The following DCDC1 variants were observed in gnomAD, a reference collection of about 807,000 sequenced individuals.
DCDC1 encodes doublecortin domain containing 1.
Under a neutral mutation model 178.3 loss-of-function variants are expected in DCDC1, and 200 were observed. The ratio of observed to expected loss-of-function variants is 1.12; its 90% CI spans 1.00 to 1.26. The LOEUF is 1.26. DCDC1 is among the 50% of genes most tolerant of loss of function. The pLI, the probability that DCDC1 is intolerant of heterozygous loss-of-function variation, is 0.00. For missense variants in DCDC1, 1,983 were observed against 1,749.2 expected, an observed-to-expected ratio of 1.13 and a Z score of -2.38; for synonymous variants, 690 against 604.8, an observed-to-expected ratio of 1.14 and a Z score of -2.07.
At chr11:30,978,635 T>C (rs965078500) in intron 20 of DCDC1, among the ~76,000 whole-genome samples, 1 of 152,154 alleles carries the variant, frequency 6.6e-6, no homozygotes, top group Non-Finnish European at 1.5e-5. Flanking sequence ...ATTTCAAGTC[T>C]TCCTTTTAGC....
intron 11 of DCDC1, among the ~76,000 whole-genome samples, chr11:31,118,544 G>A (rs1960317706): frequency 6.6e-6 from 1 of 152,194 alleles, no homozygotes; most frequent in African/African-American, 2.4e-5. Flanking sequence ...TCCAGGGGAC[G>A]GGAACATATG....
At chr11:30,878,314 G>A (rs1382744314) in intron 38 of DCDC1, among the ~76,000 whole-genome samples, 1 of 151,928 alleles carries the variant, frequency 6.6e-6, no homozygotes, top group African/African-American at 2.4e-5. Context: ...TTAGCTGGGT[G>A]TAGTGGTGCA....
intron 20 of DCDC1, among the ~76,000 whole-genome samples, chr11:31,001,598 TTG>T (rs1951583435): frequency 6.6e-6 from 1 of 152,158 alleles, no homozygotes; most frequent in Non-Finnish European, 1.5e-5. Context: ...CAAATGCTGT[TTG>T]ACAAGGCAGC....
intron 9 of DCDC1, among the ~76,000 whole-genome samples, chr11:31,213,190 T>G (rs1011359846): frequency 7.0e-6 from 1 of 143,190 alleles, no homozygotes; most frequent in African/African-American, 2.6e-5. Context: ...AGTGGTTTGC[T>G]GTCCTCCAAG....
chr11:31,230,620 C>A (rs1382059643), intron 9 of DCDC1, among the ~76,000 whole-genome samples: 1 of 152,130 alleles, frequency 6.6e-6, no homozygotes, highest in Non-Finnish European at 1.5e-5. Context: ...TCTCAAAGGA[C>A]CACCTTTCTC....
chr11:30,973,132 C>A (rs112135738), intron 20 of DCDC1, among the ~76,000 whole-genome samples: 1 of 151,676 alleles, frequency 6.6e-6, no homozygotes, highest in Non-Finnish European at 1.5e-5. Flanking sequence ...TTTAGCCAGG[C>A]GTGATGGTGT....
At chr11:31,356,930 T>C (rs958795370) in intron 1 of DCDC1, among the ~76,000 whole-genome samples, 1 of 152,120 alleles carries the variant, frequency 6.6e-6, no homozygotes, top group African/African-American at 2.4e-5. Flanking sequence ...GGAGCTGAAA[T>C]TGTGGCAATA....
chr11:31,221,214 TA>T (rs1277844895), intron 9 of DCDC1, among the ~76,000 whole-genome samples: 2 of 152,180 alleles, frequency 1.3e-5, no homozygotes, highest in Non-Finnish European at 2.9e-5. Flanking sequence ...GAGTCTCAAG[TA>T]AATATCATCT....
intron 3 of DCDC1, among the ~76,000 whole-genome samples, chr11:31,309,657 C>T (rs1440596161): frequency 6.6e-6 from 1 of 151,994 alleles, no homozygotes; most frequent in East Asian, 1.9e-4. Flanking sequence ...ATGGAATTCC[C>T]TACTTAAAAG....
chr11:30,888,096 GAAAAAGAA>G lies in DCDC1; in HGVS notation c.5082+4714_5082+4721del, dbSNP rs1430160019. Among the ~76,000 whole-genome samples the G allele has an allele frequency of 1.4e-3, 128 of 90,648 alleles. 2 individuals are homozygous for G. Among genetic ancestry groups the G allele is most frequent in the African/African-American group, 4.7e-3 (114 of 24,114 alleles). 59.5% of individuals were successfully genotyped at this position (90,648 alleles called of 152,430 possible). The stretch of plus-strand genomic sequence containing the variant: ...AGAGAGAGAGAGAGAAAGAAAGAAA[GAAAAAGAA>G]AGAAAGAAAGAAAGAAAGAAAGAAA... On this transcript the variant is annotated intron_variant, in intron 36 of 38. Transcript: ENST00000684477.
chr11:30,869,852 T>G (rs1174383618), intron 38 of DCDC1, among the ~76,000 whole-genome samples: 1 of 152,120 alleles, frequency 6.6e-6, no homozygotes, highest in Non-Finnish European at 1.5e-5. Flanking sequence ...GTCCTGCATT[T>G]TGATGGCAAC....
chr11:31,141,598 C>T (rs1269423168), intron 9 of DCDC1, among the ~76,000 whole-genome samples: 3 of 151,984 alleles, frequency 2.0e-5, no homozygotes, highest in Non-Finnish European at 4.4e-5. Flanking sequence ...ATATTTGATC[C>T]ATATTTTACA....
intron 9 of DCDC1, among the ~76,000 whole-genome samples, chr11:31,184,865 T>C (rs147949478): frequency 6.6e-6 from 1 of 152,188 alleles, no homozygotes; most frequent in Non-Finnish European, 1.5e-5. Context: ...TCCTCAAGGA[T>C]CTAGAACCAG....
chr11:31,131,978 T>C (rs1374242868), intron 10 of DCDC1, among the ~76,000 whole-genome samples: 1 of 152,184 alleles, frequency 6.6e-6, no homozygotes, highest in East Asian at 1.9e-4. Flanking sequence ...ATACAATTGA[T>C]GATGTCATTT....
intron 9 of DCDC1, 66 bp downstream of exon 9, chr11:31,241,384 C>T (rs1183516193): frequency 2.5e-6 from 1 of 393,186 alleles, no homozygotes; most frequent in Non-Finnish European, 4.5e-6. Context: ...CCAATCATTG[C>T]CTCTATACAA....
intron 15 of DCDC1, among the ~76,000 whole-genome samples, chr11:31,096,333 A>T (rs917831191): frequency 2.4e-4 from 36 of 152,328 alleles, no homozygotes; most frequent in Admixed American, 1.8e-3. Context: ...CTCAGCATTT[A>T]AAGTAGCAGT....
intron 6 of DCDC1, among the ~76,000 whole-genome samples, chr11:31,304,808 CT>C (rs933219855): frequency 3.0e-4 from 45 of 152,206 alleles, no homozygotes; most frequent in African/African-American, 1.1e-3. Context: ...GTTAGACACA[CT>C]GAATTTTTAT....
At chr11:30,993,350 G>C (rs1951088126) in intron 20 of DCDC1, among the ~76,000 whole-genome samples, 1 of 151,922 alleles carries the variant, frequency 6.6e-6, no homozygotes, top group Non-Finnish European at 1.5e-5. Flanking sequence ...GAAATTAACA[G>C]CATTAAATTT....
chr11:31,192,330 G>A (rs565697923), intron 9 of DCDC1, among the ~76,000 whole-genome samples: 5 of 151,976 alleles, frequency 3.3e-5, no homozygotes, highest in African/African-American at 9.7e-5. Flanking sequence ...AAACCCCTTC[G>A]CATGATACCA....
Sources: gnomAD v4.1 joint callset for allele counts (sites outside exome capture counted in the v4.1 genomes callset) on GRCh38, gnomAD v4.1.1 for gene constraint, MANE v1.5 for transcripts, NCBI Gene and HGNC (gene_info 2026-07-23, HGNC 2026-07-21) for gene names.